SMS: variants seen among roughly 807,000 people sequenced by gnomAD.
SMS encodes spermine synthase.
SMS carries 3 observed loss-of-function variants against 33.0 expected under a neutral mutation model. The ratio of observed to expected loss-of-function variants is 0.09; its 90% confidence interval spans 0.04 to 0.23. The LOEUF is 0.23. SMS is among the 10% of genes least tolerant of loss of function. SMS has a pLI of 1.00. For synonymous variants in SMS, 103 were observed against 112.2 expected (o/e 0.92, Z 0.52); for missense variants, 117 against 288.6 (o/e 0.41, Z 4.31).
chrX:21,988,375 A>T (rs1427126619), intron 9 of SMS, among the ~76,000 whole-genome samples: 1 of 111,197 alleles, frequency 9.0e-6, no homozygotes, highest in African/African-American at 3.3e-5. Flanking sequence ...TTAGAACTGG[A>T]GTCAGGTTGG....
At chrX:21,977,351 C>T in intron 5 of SMS, 115 bp downstream of exon 5, 1 of 692,463 alleles carries the variant, frequency 1.4e-6, no homozygotes, top group Non-Finnish European at 2.4e-6. Flanking sequence ...TTTGACACTG[C>T]TGGTTTTTGA....
intron 1 of SMS, among the ~76,000 whole-genome samples, chrX:21,943,021 G>T (rs1394598049): frequency 9.2e-6 from 1 of 109,239 alleles, no homozygotes; most frequent in African/African-American, 3.3e-5. Context: ...TTTTGTTGTT[G>T]TTTAAAGTAG....
At chrX:21,981,257 T>G (rs1318365993) in intron 7 of SMS, among the ~76,000 whole-genome samples, 1 of 109,366 alleles carries the variant, frequency 9.1e-6, no homozygotes, top group African/African-American at 3.3e-5. Context: ...GAGGTGGAGG[T>G]TGCAGTGAGC....
chrX:21,989,743 G>T (rs1057144751), intron 9 of SMS, among the ~76,000 whole-genome samples: 8 of 110,391 alleles, frequency 7.2e-5, no homozygotes, highest in South Asian at 3.8e-4. Flanking sequence ...ACTTTTTTTT[G>T]TTGTTGTTGT....
chrX:21,955,507 T>G (rs1465112772), intron 1 of SMS, among the ~76,000 whole-genome samples: 1 of 112,208 alleles, frequency 8.9e-6, no homozygotes, highest in Non-Finnish European at 1.9e-5. Flanking sequence ...GATGCATTCC[T>G]GAGTCATCTC....
chrX:21,992,742 A>G (rs768632817), intron 10 of SMS, 30 bp downstream of exon 10: 10 of 868,513 alleles, frequency 1.2e-5, no homozygotes, highest in Non-Finnish European at 1.5e-5. Flanking sequence ...TTCTGTTGCC[A>G]GATCAAAGCA....
chrX:21,993,812 C>T (rs775577581), intron 10 of SMS, among the ~76,000 whole-genome samples: 138 of 111,517 alleles, frequency 1.2e-3, no homozygotes, highest in African/African-American at 4.2e-3. Flanking sequence ...CAGTTGATAA[C>T]ATTTGAGGCA....
intron 7 of SMS, 89 bp from the exon 8 acceptor site, chrX:21,984,215 G>C (rs1417565667): frequency 3.2e-6 from 2 of 628,920 alleles, no homozygotes; most frequent in African/African-American, 4.3e-5. Context: ...CCCATACTTG[G>C]CGCTTTTTTC....
At chrX:21,967,729 G>T (rs1923840289) in intron 2 of SMS, among the ~76,000 whole-genome samples, 1 of 112,220 alleles carries the variant, frequency 8.9e-6, no homozygotes, top group Non-Finnish European at 1.9e-5. Flanking sequence ...CCAGGGAGTG[G>T]TGTGCAGACT....
rs1925974669 is a variant in SMS at position 21,994,705 on chromosome X, C to T, written c.*354C>T. 1.3e-6 allele frequency: 1 copy of T among 789,957 alleles called. No individual in the cohort carries two copies. 65.1% of individuals were successfully genotyped at this position (789,957 alleles called of 1,213,427 possible). Reference sequence around the variant, plus strand: ...TTTGGATATTTGGAGGAGTGAACATCGTTGTTTTGCTGGAGGGAAGATCTT... The same window carrying T: ...TTTGGATATTTGGAGGAGTGAACATTGTTGTTTTGCTGGAGGGAAGATCTT... On this transcript the variant is annotated 3_prime_UTR_variant, in exon 11 of 11. Coordinates refer to ENST00000404933, the MANE Select transcript of SMS (RefSeq NM_004595.5).
intron 1 of SMS, among the ~76,000 whole-genome samples, chrX:21,943,872 C>T (rs1448293342): frequency 9.0e-6 from 1 of 111,361 alleles, no homozygotes; most frequent in East Asian, 2.8e-4. Context: ...TGTGAGGTCT[C>T]CAGAAACACT....
At chrX:21,948,536 G>C (rs940365576) in intron 1 of SMS, among the ~76,000 whole-genome samples, 1 of 103,683 alleles carries the variant, frequency 9.6e-6, no homozygotes, top group Non-Finnish European at 1.9e-5. Flanking sequence ...AATTTACTCC[G>C]TTTTGTTTGA....
At chrX:21,977,327 TGTTTGA>T (rs1924601413) in intron 5 of SMS, 91 bp downstream of exon 5, 8 of 835,851 alleles carry the variant, frequency 9.6e-6, no homozygotes, top group Non-Finnish European at 1.4e-5. Context: ...GTCGTGGATT[TGTTTGA>T]GTTTGTTTTT....
At chrX:21,962,243 C>T (rs1369323082) in intron 1 of SMS, among the ~76,000 whole-genome samples, 1 of 111,626 alleles carries the variant, frequency 9.0e-6, no homozygotes, top group Non-Finnish European at 1.9e-5. Context: ...TTAACCTTAC[C>T]CCTGATATCA....
chrX:21,955,344 C>T (rs1277474145), intron 1 of SMS, among the ~76,000 whole-genome samples: 3 of 112,076 alleles, frequency 2.7e-5, no homozygotes, highest in African/African-American at 9.7e-5. Flanking sequence ...TAAAGGAAAC[C>T]ATTGTCATTT....
At chrX:21,942,800 C>A (rs980635447) in intron 1 of SMS, among the ~76,000 whole-genome samples, 4 of 103,981 alleles carry the variant, frequency 3.8e-5, no homozygotes, top group African/African-American at 1.4e-4. Flanking sequence ...GAACACTCAC[C>A]TGTATTTATC....
chrX:21,945,236 G>A (rs1288004442), intron 1 of SMS, among the ~76,000 whole-genome samples: 1 of 111,776 alleles, frequency 8.9e-6, no homozygotes, highest in Non-Finnish European at 1.9e-5. Flanking sequence ...TTATGGTAAA[G>A]GTGGAATGCT....
chrX:21,989,653 C>T (rs1367503488), intron 9 of SMS, among the ~76,000 whole-genome samples: 3 of 111,229 alleles, frequency 2.7e-5, no homozygotes, highest in Non-Finnish European at 5.7e-5. Context: ...TAACTATACA[C>T]GCCTGAGGAT....
At chrX:21,991,156 C>T (rs761508253) in intron 9 of SMS, among the ~76,000 whole-genome samples, 1 of 111,991 alleles carries the variant, frequency 8.9e-6, no homozygotes, top group South Asian at 3.7e-4. Flanking sequence ...TTATACTTGG[C>T]TATTTTGAGG....
Sources: gnomAD v4.1 joint callset for allele counts (sites outside exome capture counted in the v4.1 genomes callset) on GRCh38, gnomAD v4.1.1 for gene constraint, MANE v1.5 for transcripts, NCBI Gene and HGNC (gene_info 2026-07-23, HGNC 2026-07-21) for gene names.